Variants in DOCK2 observed in about 807,000 individuals in gnomAD.
DOCK2 encodes dedicator of cytokinesis 2.
DOCK2 carries 87 observed loss-of-function variants against 248.9 expected under a neutral mutation model. The ratio of observed to expected loss-of-function variants is 0.35; its 90% confidence interval spans 0.29 to 0.42. The LOEUF (loss-of-function observed/expected upper bound fraction) is 0.42, where lower values mean the gene tolerates loss of function less well. Among genes scored for constraint, DOCK2 ranks in the 10% least tolerant of loss-of-function variants. The probability of loss-of-function intolerance (pLI) is 1.00; values close to 1 mark genes in which losing one functional copy is unlikely to be tolerated. For synonymous variants in DOCK2, 805 were observed against 821.6 expected, an observed-to-expected ratio of 0.98 and a Z score of 0.35; for missense variants, 1,747 against 2,300.2, an observed-to-expected ratio of 0.76 and a Z score of 4.92.
intron 27 of DOCK2, among the ~76,000 whole-genome samples, chr5:169,964,914 G>A (rs926484476): frequency 3.9e-5 from 6 of 152,238 alleles, no homozygotes; most frequent in Non-Finnish European, 5.9e-5. Flanking sequence ...GTGAGTCTCC[G>A]TCGCTCATGA....
rs5873187 is a variant in DOCK2, at chr5:169,658,479, C to CAAAAA, written c.127+4011_127+4015dup. Among the ~76,000 whole-genome samples the CAAAAA allele has an allele frequency of 1.1e-3, 86 of 75,914 alleles. 1 individual carries two copies. Among genetic ancestry groups the CAAAAA allele is most frequent in the Middle Eastern group, 9.4e-3 (1 of 106 alleles). The allele number at this position is 75,914 out of a possible 152,430, so 49.8% of individuals were successfully genotyped here. ...TGGGAGACAGAGCAAGCCTCCGTCT[C>CAAAAA]AAAAAAAAAAAAAAAAAAAAAATGT... On this transcript the variant is annotated intron_variant, in intron 2 of 51. Coordinates refer to ENST00000520908, the MANE Select transcript of DOCK2 (RefSeq NM_004946.3).
At chr5:169,950,422 A>C (rs1422511373) in intron 27 of DOCK2, among the ~76,000 whole-genome samples, 1 of 152,252 alleles carries the variant, frequency 6.6e-6, no homozygotes, top group Non-Finnish European at 1.5e-5. Flanking sequence ...TTGGACTTTC[A>C]AACAACAGAA....
intron 14 of DOCK2, 130 bp downstream of exon 14, chr5:169,702,557 T>C: frequency 2.9e-6 from 4 of 1,381,184 alleles, no homozygotes; most frequent in Non-Finnish European, 3.9e-6. Flanking sequence ...TTGAATAATG[T>C]GTTCAACACC....
intron 22 of DOCK2, among the ~76,000 whole-genome samples, chr5:169,734,289 C>G (rs1030046207): frequency 4.6e-5 from 7 of 151,934 alleles, no homozygotes; most frequent in Non-Finnish European, 8.8e-5. Context: ...TTTCAAGCAT[C>G]TTTTTAATGT....
chr5:169,683,343 C>T (rs1759771852), intron 7 of DOCK2, among the ~76,000 whole-genome samples: 1 of 152,116 alleles, frequency 6.6e-6, no homozygotes, highest in Admixed American at 6.6e-5. Flanking sequence ...GATTGTTCTA[C>T]CTCAGCCTCC....
intron 27 of DOCK2, among the ~76,000 whole-genome samples, chr5:169,850,103 C>A (rs569063787): frequency 1.2e-4 from 18 of 152,250 alleles, no homozygotes; most frequent in African/African-American, 4.3e-4. Flanking sequence ...GGGTGGGGAG[C>A]GGAAGCATCC....
chr5:170,025,586 T>G (rs1388686428), intron 33 of DOCK2, among the ~76,000 whole-genome samples: 2 of 152,240 alleles, frequency 1.3e-5, no homozygotes, highest in East Asian at 3.8e-4. Context: ...TATTTCTTCC[T>G]GCTCTAGGCT....
intron 27 of DOCK2, among the ~76,000 whole-genome samples, chr5:169,930,179 T>A (rs1012771956): frequency 6.6e-6 from 1 of 152,002 alleles, no homozygotes; most frequent in Non-Finnish European, 1.5e-5. Context: ...TTAGTAGAGA[T>A]GGGGGTTTCA....
intron 30 of DOCK2, among the ~76,000 whole-genome samples, chr5:170,006,040 CTTG>C (rs761892183): frequency 6.6e-5 from 10 of 152,132 alleles, no homozygotes; most frequent in Admixed American, 5.2e-4. Flanking sequence ...CTTGCCCTGG[CTTG>C]TTGTTTCAAA....
At chr5:169,778,445 G>T (rs943156999) in intron 25 of DOCK2, among the ~76,000 whole-genome samples, 1 of 152,180 alleles carries the variant, frequency 6.6e-6, no homozygotes, top group Non-Finnish European at 1.5e-5. Flanking sequence ...ACTCAGCAGT[G>T]TGCTCTTATT....
intron 22 of DOCK2, among the ~76,000 whole-genome samples, chr5:169,724,262 A>T (rs1206900985): frequency 6.6e-6 from 1 of 152,216 alleles, no homozygotes; most frequent in Admixed American, 6.5e-5. Flanking sequence ...AACATCCCTA[A>T]GTGCAGTAGG....
intron 32 of DOCK2, among the ~76,000 whole-genome samples, chr5:170,014,901 T>C (rs932109725): frequency 6.6e-6 from 1 of 152,132 alleles, no homozygotes; most frequent in Admixed American, 6.5e-5. Flanking sequence ...CTGGGGCTTT[T>C]CAAACATCTT....
At chr5:169,973,182 T>A (rs141590161) in intron 27 of DOCK2, among the ~76,000 whole-genome samples, 23 of 152,292 alleles carry the variant, frequency 1.5e-4, no homozygotes, top group African/African-American at 5.3e-4. Context: ...GTGAACATAT[T>A]TATCTGCCTG....
Position 169,711,942 on chromosome 5 carries a change from T to C in DOCK2, c.1490T>C (p.Val497Ala), listed in dbSNP as rs1761609902. The C allele has an allele frequency of 6.2e-7, 1 of 1,613,882 alleles. No individual in the cohort carries two copies. The highest frequency in any genetic ancestry group is 8.5e-7 in the Non-Finnish European group (1 of 1,179,940). The change falls in exon 16 of 52, where the codon GTC (valine) becomes GCC (alanine). Residue 497 changes from valine to alanine, a missense_variant. Physicochemically the swap from Val to Ala is moderately conservative, Grantham distance 64. Coordinates refer to ENST00000520908, the MANE Select transcript of DOCK2 (RefSeq NM_004946.3). ...PRWMETVKVA[V>A]PIEDMQRIHL... ...CTGTTTCTGTCTGCTGAGGTGGCTG[T>C]CCCTATTGAAGACATGCAGAGGATC...
intron 14 of DOCK2, among the ~76,000 whole-genome samples, chr5:169,705,937 C>T (rs1761234894): frequency 6.6e-6 from 1 of 152,232 alleles, no homozygotes; most frequent in Non-Finnish European, 1.5e-5. Context: ...ATGAGGGGCT[C>T]TCACTGTTAA....
At chr5:169,663,859 CCTA>C (rs1758580540) in intron 2 of DOCK2, among the ~76,000 whole-genome samples, 1 of 152,016 alleles carries the variant, frequency 6.6e-6, no homozygotes, top group Admixed American at 6.5e-5. Flanking sequence ...AGACATTTTC[CCTA>C]CTATCTTGGC....
chr5:170,049,008 G>A (rs1196794083), intron 40 of DOCK2, among the ~76,000 whole-genome samples: 7 of 152,180 alleles, frequency 4.6e-5, no homozygotes, highest in East Asian at 1.9e-4. Flanking sequence ...GCCATGAGCC[G>A]CAGAGAGGGG....
chr5:169,708,302 G>A (rs1295471446), intron 15 of DOCK2, 35 bp downstream of exon 15: 2 of 1,589,408 alleles, frequency 1.3e-6, no homozygotes. Context: ...CACATGTCTA[G>A]TTCTTACCAT....
At chr5:169,897,353 C>T (rs78482583) in intron 27 of DOCK2, among the ~76,000 whole-genome samples, 8,746 of 152,014 alleles carry the variant, frequency 0.058, 316 homozygotes, top group Non-Finnish European at 0.083. Context: ...CCCAGCTAAC[C>T]ATTTTTGTAT....
Sources: gnomAD v4.1 joint callset for allele counts (sites outside exome capture counted in the v4.1 genomes callset) on GRCh38, gnomAD v4.1.1 for gene constraint, MANE v1.5 for transcripts, NCBI Gene and HGNC (gene_info 2026-07-23, HGNC 2026-07-21) for gene names.